DDX11: variants seen among roughly 807,000 people sequenced by gnomAD.
DDX11 encodes the protein ATP-dependent DNA helicase DDX11.
DDX11 carries 72 observed loss-of-function variants against 125.2 expected under a neutral mutation model. That is an observed-to-expected ratio of 0.58 (90% CI 0.48 to 0.70). DDX11 has a LOEUF of 0.70. DDX11 is among the 30% of genes least tolerant of loss of function. The probability of loss-of-function intolerance (pLI) is 0.00; values close to 1 mark genes in which losing one functional copy is unlikely to be tolerated. For missense variants in DDX11, 883 were observed against 1,165.0 expected (o/e 0.76, Z 3.52); for synonymous variants, 347 against 452.6 (o/e 0.77, Z 2.96).
intron 24 of DDX11, 135 bp downstream of exon 24, chr12:31,103,155 C>T: frequency 7.8e-7 from 1 of 1,282,992 alleles, no homozygotes; most frequent in Non-Finnish European, 1.1e-6. Context: ...GCTTGGATGC[C>T]CCTCCACACC....
intron 11 of DDX11, 108 bp downstream of exon 11, chr12:31,093,000 C>T (rs966190991): frequency 1.3e-5 from 17 of 1,325,190 alleles, no homozygotes; most frequent in African/African-American, 8.7e-5. Flanking sequence ...CGGGCTGTGG[C>T]GGGGTGGAGC....
intron 5 of DDX11, chr12:31,087,727 T>C (rs1331384938): frequency 5.4e-5 from 44 of 816,626 alleles, no homozygotes; most frequent in Non-Finnish European, 8.2e-5. Context: ...TTTCTCCTTT[T>C]TACATTTCCC....
chr12:31,075,822 G>A lies in DDX11; in HGVS notation c.-5+1731G>A, dbSNP rs528216481. ...ATGGAACGTATATTCCAGTGAGGAA[G>A]AATAAATAGGTTCAGATGGTGCTAA... On this transcript the variant is annotated intron_variant, in intron 1 of 26. Transcript: ENST00000542838. 1.2e-4 allele frequency among the ~76,000 whole-genome samples: 19 copies of A among 152,346 alleles called. No homozygotes were observed. In the East Asian group the frequency reaches 1.7e-3, roughly 14 times the overall value.
rs938858404 is a variant in DDX11 at position 31,100,836 on chromosome 12, C to T, written c.1948+129C>T. On this transcript the variant is annotated intron_variant, in intron 19 of 26. Coordinates refer to ENST00000542838, the MANE Select transcript of DDX11 (RefSeq NM_030653.4). ...ACCCCGGGGTGGGAGCCTCACCCTT[C>T]GTGCGCTCGCCCAGGCTCTCCTGCT... 4.7e-5 allele frequency: 53 copies of T among 1,123,704 alleles called. No individual in the cohort carries two copies. The African/African-American group carries it at 6.8e-4, about 14-fold the overall frequency. 69.6% of individuals were successfully genotyped at this position (1,123,704 alleles called of 1,614,324 possible).
In DDX11 at chr12:31,089,056, A is replaced by G; in HGVS notation, c.697A>G (p.Ser233Gly). Residue 233 changes from serine (S) to glycine (G), a missense_variant, in exon 7 of 27, where the codon AGT becomes GGT. By Grantham distance (56) the Ser-to-Gly change is moderately conservative. Transcript: ENST00000542838. ...EEHITKIYYC[S>G]RTHSQLAQFV... ...TTCTCTCTGCTAGATTTATTACTGT[A>G]GTCGGACACACTCCCAGCTGGCCCA... is the stretch of plus-strand genomic sequence containing the variant. 1 of 1,613,900 alleles carries G rather than the reference A, an allele frequency of 6.2e-7. No homozygotes were observed. The highest frequency in any genetic ancestry group is 8.5e-7 in the Non-Finnish European group (1 of 1,179,804).
At chr12:31,081,338 G>A (rs1457624231) in intron 2 of DDX11, among the ~76,000 whole-genome samples, 1 of 152,334 alleles carries the variant, frequency 6.6e-6, no homozygotes, top group Middle Eastern at 3.4e-3. Flanking sequence ...CCTGAGTGGG[G>A]TTTGTGTTAC....
chr12:31,087,739 A>AC (rs1943409979), intron 5 of DDX11, 199 bp from the exon 6 acceptor site: 1 of 874,184 alleles, frequency 1.1e-6, no homozygotes. Flanking sequence ...ACATTTCCCT[A>AC]CCCACAGACC....
chr12:31,093,923 G>T (rs371991937), intron 12 of DDX11, among the ~76,000 whole-genome samples: 3 of 147,910 alleles, frequency 2.0e-5, no homozygotes, highest in Non-Finnish European at 4.5e-5. Context: ...CGGTGTTTCC[G>T]TGATAGGCAT....
At chr12:31,097,292 G>A (rs1250189653) in intron 17 of DDX11, among the ~76,000 whole-genome samples, 6 of 152,096 alleles carry the variant, frequency 3.9e-5, no homozygotes, top group Non-Finnish European at 8.8e-5. Flanking sequence ...CTACTGTGGG[G>A]TAGGTGGGCT....
At chr12:31,091,657 G>C in intron 9 of DDX11, 62 bp from the exon 10 acceptor site, 1 of 1,539,786 alleles carries the variant, frequency 6.5e-7, no homozygotes, top group Non-Finnish European at 8.8e-7. Flanking sequence ...CTCAGTGTCA[G>C]GCAGGCAAGG....
chr12:31,091,618 G>A, intron 9 of DDX11, 101 bp from the exon 10 acceptor site: 1 of 1,322,002 alleles, frequency 7.6e-7, no homozygotes, highest in Non-Finnish European at 1.1e-6. Flanking sequence ...CACAGTCCAG[G>A]CAGGAAATAG....
chr12:31,100,828 T>A lies in DDX11; in HGVS notation c.1948+121T>A, dbSNP rs531074258. ...CGGAGGAGACCCCGGGGTGGGAGCC[T>A]CACCCTTCGTGCGCTCGCCCAGGCT... On this transcript the variant is annotated intron_variant, in intron 19 of 26. Coordinates refer to ENST00000542838, the MANE Select transcript of DDX11 (RefSeq NM_030653.4). 241 of 1,174,324 alleles carry A rather than the reference T, an allele frequency of 2.1e-4. No individual in the cohort carries two copies. In the African/African-American group the frequency reaches 3.1e-3, roughly 15 times the overall value. 72.7% of individuals were successfully genotyped at this position (1,174,324 alleles called of 1,614,324 possible). A position where few individuals can be genotyped will look rare whatever the true frequency, so the allele number is the denominator to read the frequency against.
rs376510655 is a variant in DDX11 at position 31,084,938 on chromosome 12, C to T, written c.481-31C>T. On this transcript the variant is annotated intron_variant, in intron 4 of 26. Coordinates refer to ENST00000542838, the MANE Select transcript of DDX11 (RefSeq NM_030653.4). ...TGGGTACTGGTGCTGAGACTTCTTC[C>T]TCCCTCACCACCTCCACTACCCCTG... 1.6e-4 allele frequency: 253 copies of T among 1,585,686 alleles called. 1 individual carries two copies. Among genetic ancestry groups the T allele is most frequent in the Middle Eastern group, 8.4e-4 (5 of 5,988 alleles).
At position 31,089,098 on chromosome 12, in the gene DDX11, A is replaced by G. The variant is rs770496393; in HGVS notation, c.739A>G (p.Lys247Glu). 6 of 1,614,002 alleles carry G rather than the reference A, an allele frequency of 3.7e-6. No individual in the cohort carries two copies. Among genetic ancestry groups the G allele is most frequent in the Non-Finnish European group, 5.1e-6 (6 of 1,179,856 alleles). ...GCTGGCCCAGTTTGTGCATGAGGTG[A>G]AGAAGAGCCCCTTTGGCAAGGATGT... Reference protein sequence around the residue: ...SQLAQFVHEVKKSPFGKDVRL... With the variant: ...SQLAQFVHEVEKSPFGKDVRL... Residue 247 changes from lysine (K) to glutamate (E), a missense_variant, in exon 7 of 27, where the codon AAG (lysine) becomes GAG (glutamate). Physicochemically the swap from Lys to Glu is moderately conservative, Grantham distance 56. Around this residue, in one of 5 missense-constraint regions of DDX11, gnomAD observed 283 missense variants for 359.6 expected, o/e 0.79. Transcript: ENST00000542838.
chr12:31,099,888 C>G (rs1946076121), intron 18 of DDX11, among the ~76,000 whole-genome samples: 1 of 152,152 alleles, frequency 6.6e-6, no homozygotes, highest in Admixed American at 6.5e-5. Context: ...TCCTTTCAGT[C>G]TTTCTTTTTC....
At chr12:31,099,084 CTT>C (rs763612105) in intron 18 of DDX11, among the ~76,000 whole-genome samples, 15,178 of 63,640 alleles carry the variant, frequency 0.24, 1,005 homozygotes, top group South Asian at 0.32. Flanking sequence ...TTCTTTCTTT[CTT>C]TTTTTTTTTT....
rs4031336 is a variant in DDX11, at chr12:31,081,127, G to A, written c.144+2590G>A. Among the ~76,000 whole-genome samples the A allele has an allele frequency of 2.0e-4, 30 of 152,236 alleles. No individual in the cohort carries two copies. In the East Asian group the frequency reaches 2.3e-3, roughly 12 times the overall value. ...AGTCTTCTGCACTCCAGGCTTCTGC[G>A]TCTTCTTCCTCTGCTCAGCCTTTAA... On this transcript the variant is annotated intron_variant, in intron 2 of 26. Transcript: ENST00000542838.
intron 18 of DDX11, among the ~76,000 whole-genome samples, chr12:31,098,501 G>T (rs1477181705): frequency 6.6e-6 from 1 of 152,218 alleles, no homozygotes. Context: ...CAGCTGTGCT[G>T]GATTCCAGTT....
At chr12:31,101,402 G>A (rs998780557) in intron 20 of DDX11, 5 of 551,930 alleles carry the variant, frequency 9.1e-6, no homozygotes, top group Non-Finnish European at 1.6e-5. Context: ...GGAGAAAGCT[G>A]CTAGTTCCCT....
Sources: allele counts gnomAD v4.1 joint callset (sites outside exome capture counted in the v4.1 genomes callset), GRCh38; gene constraint gnomAD v4.1.1; regional missense constraint gnomAD v4.1.1; transcripts MANE v1.5; gene names NCBI Gene and HGNC (gene_info 2026-07-23, HGNC 2026-07-21).